The following AOPEP variants were observed in gnomAD, a reference collection of about 807,000 sequenced individuals.
AOPEP encodes the protein aminopeptidase O (putative).
Under a neutral mutation model 98.1 loss-of-function variants are expected in AOPEP, and 77 were observed. That is an observed-to-expected ratio of 0.78 (90% confidence interval 0.65 to 0.95). AOPEP has a LOEUF of 0.95. Ranked by LOEUF, AOPEP falls within the 40% of genes least tolerant of loss-of-function variation. The pLI is 0.00. For synonymous variants in AOPEP, 346 were observed against 365.3 expected (o/e 0.95, Z 0.60); for missense variants, 1,024 against 1,024.7 (o/e 1.00, Z 0.01).
chr9:94,895,405 C>CA (rs2049397791), intron 5 of AOPEP, among the ~76,000 whole-genome samples: 1 of 92,940 alleles, frequency 1.1e-5, no homozygotes, highest in African/African-American at 5.1e-5. Flanking sequence ...GTCTCACACA[C>CA]ACAAAAAGGA....
chr9:95,060,207 A>G (rs1487180142), intron 13 of AOPEP, among the ~76,000 whole-genome samples: 1 of 152,196 alleles, frequency 6.6e-6, no homozygotes. Flanking sequence ...TTCTTTCAGT[A>G]TGTGCTCTTT....
rs1460891785 is a variant in AOPEP at position 94,924,878 on chromosome 9, C to T, written c.1554+703C>T. 4.6e-5 allele frequency among the ~76,000 whole-genome samples: 7 copies of T among 152,238 alleles called. No homozygotes were observed. The East Asian group carries it at 1.3e-3, about 29-fold the overall frequency. The stretch of plus-strand genomic sequence containing the variant: ...AAGACAAACATACCCAGAAGCCAGA[C>T]CTGGTGCACACGCTCCCAGTTTGCA... On this transcript the variant is annotated intron_variant, in intron 6 of 16. Transcript: ENST00000375315.
rs201038064 is a variant in AOPEP, at chr9:94,760,372, A to G, written c.589A>G (p.Asn197Asp). ...IVRELVTLPA[N>D]RWREQLDYYA... ...ACGTGAACTTGTGACTTTGCCTGCAAATCGTTGGAGGGAGCAGTTAGACTA... is the reference window on the plus strand; with the variant it reads ...ACGTGAACTTGTGACTTTGCCTGCAGATCGTTGGAGGGAGCAGTTAGACTA... Residue 197 changes from asparagine to aspartate, a missense_variant, in exon 2 of 17, where the codon AAT (asparagine) becomes GAT (aspartate). This residue lies in a region of AOPEP where 440 missense variants were observed against 433.8 expected (regional missense o/e 1.01). Coordinates refer to ENST00000375315, the MANE Select transcript of AOPEP (RefSeq NM_001193329.3). 1.9e-5 allele frequency: 30 copies of G among 1,613,982 alleles called. No homozygotes were observed. The highest frequency in any genetic ancestry group is 1.5e-4 in the Admixed American group (9 of 59,988).
the AOPEP span, chr9:95,110,441 C>A: frequency 3.9e-6 from 4 of 1,026,430 alleles, no homozygotes; most frequent in African/African-American, 6.8e-5. Flanking sequence ...TTAACGTGAT[C>A]TTTTAAAGGG....
chr9:94,933,971 A>G (rs1049756014), intron 7 of AOPEP, among the ~76,000 whole-genome samples: 10 of 151,932 alleles, frequency 6.6e-5, no homozygotes, highest in African/African-American at 9.7e-5. Flanking sequence ...GATGGTCTTG[A>G]TCTCCTGACC....
Position 94,800,886 on chromosome 9 carries a change from T to C in AOPEP, c.1248T>C (p.Leu416=). 6.2e-7 allele frequency: 1 copy of C among 1,614,158 alleles called. No homozygotes were observed. Among genetic ancestry groups the C allele is most frequent in the African/African-American group, 1.3e-5 (1 of 75,032 alleles). Residue 416 remains leucine, a synonymous_variant, in exon 5 of 17, where the codon CTT becomes CTC. Coordinates refer to ENST00000375315, the MANE Select transcript of AOPEP (RefSeq NM_001193329.3). ...TCACGGGTGCCTGCCAAGAGACCCT[T>C]CTGCGGCTGATCCCTCCTTGCCTCT... ...VCLTGACQET[L]LRLIPPCLSA... is the part of the protein sequence containing the mutation.
At chr9:94,906,455 A>AAATAAT (rs5741511) in intron 5 of AOPEP, among the ~76,000 whole-genome samples, 53,999 of 114,150 alleles carry the variant, frequency 0.47, 11,507 homozygotes, top group Admixed American at 0.56. Context: ...ACCCTGTCTG[A>AAATAAT]AATAATAATA....
intron 13 of AOPEP, among the ~76,000 whole-genome samples, chr9:95,011,348 A>G (rs2062501350): frequency 6.6e-6 from 1 of 151,468 alleles, no homozygotes; most frequent in Non-Finnish European, 1.5e-5. Flanking sequence ...GGCACGTGCC[A>G]CCACGCCCCA....
chr9:94,760,457 G>T lies in AOPEP; in HGVS notation c.674G>T (p.Trp225Leu). 1 of 1,613,666 alleles carries T rather than the reference G, an allele frequency of 6.2e-7. No individual in the cohort carries two copies. The highest frequency in any genetic ancestry group is 1.7e-5 in the Admixed American group (1 of 59,944). ...CGELLFDTDTWSLQIRKTGAQ... is the reference protein window; with the variant it reads ...CGELLFDTDTLSLQIRKTGAQ... ...GAACTCCTCTTTGACACTGACACTT[G>T]GAGCTTGCAGATAAGGAAGACAGGG... is the stretch of plus-strand genomic sequence containing the variant. Residue 225 changes from tryptophan (W) to leucine (L), a missense_variant, in exon 2 of 17, where the codon TGG becomes TTG. Trp to Leu is a moderately conservative substitution (Grantham distance 61). Coordinates refer to ENST00000375315, the MANE Select transcript of AOPEP (RefSeq NM_001193329.3).
intron 1 of AOPEP, among the ~76,000 whole-genome samples, chr9:94,742,438 CTT>C (rs764049492): frequency 5.5e-5 from 8 of 144,364 alleles, no homozygotes; most frequent in Admixed American, 7.0e-5. Flanking sequence ...TATATTAATT[CTT>C]TTTTTTTTTT....
intron 13 of AOPEP, among the ~76,000 whole-genome samples, chr9:95,047,790 A>G (rs1402777974): frequency 6.6e-6 from 1 of 152,246 alleles, no homozygotes; most frequent in Non-Finnish European, 1.5e-5. Context: ...CTTGTTTGCC[A>G]TGCAAATGTT....
chr9:95,063,898 A>T (rs1464585825), intron 14 of AOPEP, among the ~76,000 whole-genome samples: 1 of 135,800 alleles, frequency 7.4e-6, no homozygotes, highest in African/African-American at 2.6e-5. Context: ...GACTACAGCT[A>T]ATTGACAAAA....
At chr9:94,973,547 C>G (rs2059655881) in intron 10 of AOPEP, among the ~76,000 whole-genome samples, 1 of 152,184 alleles carries the variant, frequency 6.6e-6, no homozygotes, top group African/African-American at 2.4e-5. Flanking sequence ...ATTTATAGCT[C>G]CGAGGAACTG....
rs1350847805 is a variant in AOPEP, at chr9:94,760,501, T to C, written c.718T>C (p.Phe240Leu). The C allele has an allele frequency of 6.2e-7, 1 of 1,609,002 alleles. No individual in the cohort carries two copies. The highest frequency in any genetic ancestry group is 8.5e-7 in the Non-Finnish European group (1 of 1,178,302). The change falls in exon 2 of 17, where the codon TTT becomes CTT. Residue 240 changes from phenylalanine (F) to leucine (L), a missense_variant. Coordinates refer to ENST00000375315, the MANE Select transcript of AOPEP (RefSeq NM_001193329.3). ...GACAGGGGCTCAGACAGCTACTGAC[T>C]TTCCTCATGCTATCAGGATATGGTA... ...RKTGAQTATD[F>L]PHAIRIWYKT...
chr9:95,000,563 C>T (rs2061497155), intron 11 of AOPEP, among the ~76,000 whole-genome samples: 1 of 152,082 alleles, frequency 6.6e-6, no homozygotes, highest in African/African-American at 2.4e-5. Flanking sequence ...TAAAAATTAG[C>T]TGGACGTGGT....
intron 5 of AOPEP, among the ~76,000 whole-genome samples, chr9:94,816,689 G>A (rs146362057): frequency 3.3e-5 from 5 of 152,284 alleles, no homozygotes; most frequent in African/African-American, 1.2e-4. Flanking sequence ...TGGGGAGTTG[G>A]AGGTGGAATT....
At chr9:95,132,045 T>A in the AOPEP span, among the ~76,000 whole-genome samples, 10 of 152,226 alleles carry the variant, frequency 6.6e-5, no homozygotes, top group African/African-American at 2.4e-4. Flanking sequence ...CATATTCTGA[T>A]ATCAAATCTT....
intron 3 of AOPEP, among the ~76,000 whole-genome samples, chr9:94,783,328 G>A (rs185208344): frequency 2.6e-5 from 4 of 152,314 alleles, no homozygotes; most frequent in African/African-American, 7.2e-5. Flanking sequence ...AAGGAAAACC[G>A]AAGCCTTGCT....
chr9:95,043,251 T>TATATATATACATATATACACAG (rs1564564383), intron 13 of AOPEP, among the ~76,000 whole-genome samples: 1 of 147,632 alleles, frequency 6.8e-6, no homozygotes, highest in Non-Finnish European at 1.5e-5. Context: ...TATATACAGA[T>TATATATATACATATATACACAG]ATATATATAC....
Sources: gnomAD v4.1 joint callset for allele counts (sites outside exome capture counted in the v4.1 genomes callset) on GRCh38, gnomAD v4.1.1 for gene constraint, gnomAD v4.1.1 regional missense constraint, MANE v1.5 for transcripts, NCBI Gene and HGNC (gene_info 2026-07-23, HGNC 2026-07-21) for gene names.